The following RIMS2 variants were observed in gnomAD, a reference collection of about 807,000 sequenced individuals.
RIMS2 encodes regulating synaptic membrane exocytosis 2, also known as regulating synaptic membrane exocytosis protein 2.
Under a neutral mutation model 174.4 loss-of-function variants are expected in RIMS2, and 59 were observed. The ratio of observed to expected loss-of-function variants is 0.34; its 90% CI spans 0.27 to 0.42. RIMS2 has a LOEUF of 0.42. Among genes scored for constraint, RIMS2 ranks in the 10% least tolerant of loss-of-function variants. The pLI, the probability that RIMS2 is intolerant of heterozygous loss-of-function variation, is 1.00. For missense variants in RIMS2, 1,620 were observed against 1,666.3 expected (o/e 0.97, Z 0.48); for synonymous variants, 606 against 572.5 (o/e 1.06, Z -0.84).
intron 2 of RIMS2, among the ~76,000 whole-genome samples, chr8:103,749,016 C>T (rs1029133291): frequency 6.6e-6 from 1 of 152,022 alleles, no homozygotes; most frequent in East Asian, 1.9e-4. Flanking sequence ...TCAGGCTGGT[C>T]TCAAACTCCC....
chr8:103,870,350 C>A (rs79859133), intron 3 of RIMS2, among the ~76,000 whole-genome samples: 21,386 of 151,576 alleles, frequency 0.14, 1,668 homozygotes, highest in Middle Eastern at 0.22. Flanking sequence ...CCACTCTTAT[C>A]ACCACCACCA....
rs556519095 is a variant in RIMS2, at chr8:103,654,444, T to C, written c.177-42642T>C. On this transcript the variant is annotated intron_variant, in intron 1 of 23. Coordinates refer to ENST00000504942, the Ensembl canonical transcript of RIMS2. ...TAAAAATTAATTCTTGATTAATTGG[T>C]ATTATTTCAGTTAAGATTTCTTTGA... is the stretch of plus-strand genomic sequence containing the variant. Among the ~76,000 whole-genome samples the C allele has an allele frequency of 6.6e-5, 10 of 152,114 alleles. No individual in the cohort carries two copies. The South Asian group carries it at 2.1e-3, about 32-fold the overall frequency.
At chr8:104,089,972 A>T (rs1240912549) in intron 19 of RIMS2, among the ~76,000 whole-genome samples, 1 of 151,668 alleles carries the variant, frequency 6.6e-6, no homozygotes, top group Non-Finnish European at 1.5e-5. Context: ...CACAAAGATG[A>T]GGAAGATACT....
At chr8:103,927,795 CT>C (rs760638410) in intron 10 of RIMS2, 4 of 1,357,636 alleles carry the variant, frequency 2.9e-6, no homozygotes, top group South Asian at 1.2e-5. Context: ...GCGTGTTGTC[CT>C]TTTTGGTTTT....
intron 19 of RIMS2, among the ~76,000 whole-genome samples, chr8:104,219,753 A>G (rs777880749): frequency 4.6e-5 from 7 of 152,198 alleles, no homozygotes; most frequent in Non-Finnish European, 1.5e-5. Flanking sequence ...ACTGGATGAT[A>G]ATGATTCTGG....
intron 3 of RIMS2, among the ~76,000 whole-genome samples, chr8:103,848,680 C>T (rs564485042): frequency 1.3e-5 from 2 of 152,142 alleles, no homozygotes; most frequent in South Asian, 4.1e-4. Flanking sequence ...TGTTCTACCA[C>T]AGATATCTCT....
At chr8:103,547,979 A>T (rs149911443) in intron 1 of RIMS2, among the ~76,000 whole-genome samples, 1 of 152,164 alleles carries the variant, frequency 6.6e-6, no homozygotes, top group African/African-American at 2.4e-5. Flanking sequence ...TGTATCCTGG[A>T]ACAGACCAAT....
chr8:103,544,628 C>T (rs1441717880), intron 1 of RIMS2, among the ~76,000 whole-genome samples: 1 of 152,218 alleles, frequency 6.6e-6, no homozygotes, highest in Non-Finnish European at 1.5e-5. Context: ...AGCCACAATG[C>T]CATGTTCCTG....
At chr8:103,535,375 T>C (rs1326998506) in intron 1 of RIMS2, among the ~76,000 whole-genome samples, 1 of 152,230 alleles carries the variant, frequency 6.6e-6, no homozygotes, top group Non-Finnish European at 1.5e-5. Context: ...CTTTTGACTC[T>C]GATATTAGAA....
intron 3 of RIMS2, chr8:103,819,473 G>GA (rs754574983): frequency 1.9e-5 from 30 of 1,608,160 alleles, no homozygotes; most frequent in Non-Finnish European, 2.5e-5. Flanking sequence ...AGGTGGTAGG[G>GA]AAAAATAAGA....
intron 19 of RIMS2, among the ~76,000 whole-genome samples, chr8:104,205,681 C>G (rs546793059): frequency 1.7e-4 from 26 of 152,070 alleles, no homozygotes; most frequent in African/African-American, 6.0e-4. Context: ...ATAGGTCAAT[C>G]AAAGTCTCTG....
intron 19 of RIMS2, among the ~76,000 whole-genome samples, chr8:104,024,025 G>A (rs2096183002): frequency 6.6e-6 from 1 of 152,162 alleles, no homozygotes; most frequent in Non-Finnish European, 1.5e-5. Context: ...AGTGATAAGG[G>A]CTAAAGGACT....
rs1592791456 is a variant in RIMS2, at chr8:103,804,688, T to C, written c.698+38151T>C. On this transcript the variant is annotated intron_variant, in intron 3 of 23. Transcript: ENST00000504942. ...AGTTTTTCTAAATCATCCTGGCATATTTTGACTGTGGTATTTACCTGCAAA... is the reference window on the plus strand; with the variant it reads ...AGTTTTTCTAAATCATCCTGGCATACTTTGACTGTGGTATTTACCTGCAAA... Among the ~76,000 whole-genome samples the C allele has an allele frequency of 2.0e-5, 3 of 152,354 alleles. No individual in the cohort carries two copies. The East Asian group carries it at 5.8e-4, about 29-fold the overall frequency.
At chr8:104,084,236 T>C (rs528648724) in intron 19 of RIMS2, among the ~76,000 whole-genome samples, 43 of 151,086 alleles carry the variant, frequency 2.8e-4, no homozygotes, top group African/African-American at 1.0e-3. Flanking sequence ...ACGTCAGGAG[T>C]TGAAGACCAC....
intron 2 of RIMS2, among the ~76,000 whole-genome samples, chr8:103,726,312 A>C (rs1018124702): frequency 6.6e-6 from 1 of 152,168 alleles, no homozygotes; most frequent in South Asian, 2.1e-4. Context: ...AGGATTGAGA[A>C]TATCTTCTCT....
intron 3 of RIMS2, among the ~76,000 whole-genome samples, chr8:103,878,268 A>C (rs2099150963): frequency 6.6e-6 from 1 of 151,858 alleles, no homozygotes; most frequent in Non-Finnish European, 1.5e-5. Context: ...TTCCTTTTTA[A>C]ATTACCCAGT....
rs200018451 is a variant in RIMS2 at position 103,967,180 on chromosome 8, T to G, written c.2770+6047T>G. Among the ~76,000 whole-genome samples the G allele has an allele frequency of 1.3e-3, 164 of 126,042 alleles. 3 individuals carry two copies. The East Asian group carries it at 0.022, about 17-fold the overall frequency. 82.7% of individuals were successfully genotyped at this position (126,042 alleles called of 152,430 possible). On this transcript the variant is annotated intron_variant, in intron 15 of 23. Coordinates refer to ENST00000504942, the Ensembl canonical transcript of RIMS2. ...GCTTGATCTGTTCTTGTTTTTTTTT[T>G]TTTTTTTTTTTTTTTTTTTTGAGAT...
rs1838045895 is a variant in RIMS2, at chr8:103,533,176, TA to T, written c.176+32116del. On this transcript the variant is annotated intron_variant, in intron 1 of 23. Transcript: ENST00000504942. ...TGTTAGCCAAGCAAATAAATCCATT[TA>T]AGATATGGTTAGTTAATTAAATCAT... Among the ~76,000 whole-genome samples, 3 of 152,348 alleles carry T rather than the reference TA, an allele frequency of 2.0e-5. No individual in the cohort carries two copies. In the South Asian group the frequency reaches 6.2e-4, roughly 32 times the overall value.
intron 19 of RIMS2, among the ~76,000 whole-genome samples, chr8:104,185,748 A>G (rs187825956): frequency 1.3e-5 from 2 of 151,676 alleles, no homozygotes; most frequent in East Asian, 3.9e-4. Flanking sequence ...AGATGTTGGC[A>G]GGAGAAAAGG....
Sources: allele counts gnomAD v4.1 joint callset (sites outside exome capture counted in the v4.1 genomes callset), GRCh38; gene constraint gnomAD v4.1.1; transcripts MANE v1.5; gene names NCBI Gene and HGNC (gene_info 2026-07-23, HGNC 2026-07-21).